Variants in TNFRSF21 observed in about 807,000 individuals in gnomAD.
TNFRSF21 encodes the protein tumor necrosis factor receptor superfamily member 21.
TNFRSF21 carries 19 observed loss-of-function variants against 45.6 expected under a neutral mutation model. The ratio of observed to expected loss-of-function variants is 0.42; its 90% CI spans 0.29 to 0.61. The LOEUF (loss-of-function observed/expected upper bound fraction) is 0.61. TNFRSF21 is among the 20% of genes least tolerant of loss of function. The pLI, the probability that TNFRSF21 is intolerant of heterozygous loss-of-function variation, is 0.23. For synonymous variants in TNFRSF21, 314 were observed against 335.5 expected (o/e 0.94, Z 0.70); for missense variants, 737 against 851.5 (o/e 0.87, Z 1.67).
At chr6:47,234,970 G>T (rs1764646085) in intron 4 of TNFRSF21, 72 bp from the exon 5 acceptor site, 4 of 923,624 alleles carry the variant, frequency 4.3e-6, no homozygotes, top group Non-Finnish European at 4.4e-6. Context: ...CTCCTCAGAG[G>T]CTATTTTTTT....
At chr6:47,256,537 GC>G (rs946852411) in intron 3 of TNFRSF21, among the ~76,000 whole-genome samples, 9 of 152,196 alleles carry the variant, frequency 5.9e-5, no homozygotes, top group African/African-American at 2.2e-4. Context: ...AAAGTAGAAT[GC>G]CACAAAAAAT....
intron 1 of TNFRSF21, among the ~76,000 whole-genome samples, chr6:47,300,161 T>G (rs2113870175): frequency 6.6e-6 from 1 of 152,328 alleles, no homozygotes; most frequent in Non-Finnish European, 1.5e-5. Flanking sequence ...AGGCTTGAAC[T>G]GACGTGAATC....
At chr6:47,241,230 T>G (rs1764738999) in intron 4 of TNFRSF21, among the ~76,000 whole-genome samples, 1 of 152,202 alleles carries the variant, frequency 6.6e-6, no homozygotes, top group African/African-American at 2.4e-5. Flanking sequence ...AAATAAGGGT[T>G]CATATAATGA....
rs372256622 is a variant in TNFRSF21, at chr6:47,291,404, A to T, written c.97-4809T>A. Among the ~76,000 whole-genome samples, 22 of 151,714 alleles carry T rather than the reference A, an allele frequency of 1.5e-4. 2 individuals carry two copies. The highest frequency in any genetic ancestry group is 1.3e-3 in the Admixed American group (20 of 15,282). On this transcript the variant is annotated intron_variant, in intron 1 of 5. Coordinates refer to ENST00000296861, the MANE Select transcript of TNFRSF21 (RefSeq NM_014452.5). ...AAAGGGGTATGCGGGAGAGTAGACA[A>T]GAAAACCCAGTTAGAGGGTGAAAAA...
chr6:47,271,007 T>A (rs746745032), intron 3 of TNFRSF21, among the ~76,000 whole-genome samples: 30 of 152,100 alleles, frequency 2.0e-4, no homozygotes, highest in South Asian at 8.3e-4. Context: ...CCAAGAAATA[T>A]GGGACTATGT....
chr6:47,247,995 C>T (rs1764847837), intron 4 of TNFRSF21, among the ~76,000 whole-genome samples: 1 of 152,184 alleles, frequency 6.6e-6, no homozygotes, highest in African/African-American at 2.4e-5. Context: ...AGCATTGATT[C>T]TCCACTCCGC....
chr6:47,309,108 G>A (rs902738084), intron 1 of TNFRSF21, among the ~76,000 whole-genome samples: 22 of 152,314 alleles, frequency 1.4e-4, no homozygotes, highest in African/African-American at 4.3e-4. Flanking sequence ...AGGCCGAGTA[G>A]GGGGAAAAGC....
At chr6:47,283,498 G>A (rs1271274021) in intron 3 of TNFRSF21, among the ~76,000 whole-genome samples, 2 of 152,182 alleles carry the variant, frequency 1.3e-5, no homozygotes, top group Non-Finnish European at 2.9e-5. Context: ...GTTGGGTTTT[G>A]TCCCCTTCAT....
chr6:47,283,770 T>G (rs1047406432), intron 3 of TNFRSF21, among the ~76,000 whole-genome samples, 168 bp downstream of exon 3: 1 of 152,232 alleles, frequency 6.6e-6, no homozygotes, highest in African/African-American at 2.4e-5. Flanking sequence ...AATGCATTAC[T>G]TCTAATGAGA....
chr6:47,263,743 A>G (rs553176343), intron 3 of TNFRSF21, among the ~76,000 whole-genome samples: 1 of 152,368 alleles, frequency 6.6e-6, no homozygotes, highest in African/African-American at 2.4e-5. Context: ...AAAGATCACC[A>G]TATTTACTAA....
At chr6:47,264,964 G>C (rs1762312357) in intron 3 of TNFRSF21, among the ~76,000 whole-genome samples, 1 of 152,170 alleles carries the variant, frequency 6.6e-6, no homozygotes, top group South Asian at 2.1e-4. Flanking sequence ...CTTCCCATAG[G>C]AAATCTGGGC....
At chr6:47,250,317 T>C (rs1051638078) in intron 4 of TNFRSF21, among the ~76,000 whole-genome samples, 1 of 152,240 alleles carries the variant, frequency 6.6e-6, no homozygotes, top group African/African-American at 2.4e-5. Flanking sequence ...TGCTGCTTAT[T>C]CCAAATGCTC....
chr6:47,249,087 C>T (rs902366816), intron 4 of TNFRSF21, among the ~76,000 whole-genome samples: 1 of 152,156 alleles, frequency 6.6e-6, no homozygotes, highest in Admixed American at 6.5e-5. Context: ...ATGTTCTAAT[C>T]GGAGCCTTAC....
At chr6:47,283,840 A>T (rs1186541631) in intron 3 of TNFRSF21, 98 bp downstream of exon 3, 7 of 1,482,634 alleles carry the variant, frequency 4.7e-6, no homozygotes, top group Non-Finnish European at 6.4e-6. Flanking sequence ...TACAAAGGAG[A>T]TTCCACAAAC....
chr6:47,294,927 A>G (rs1388927623), intron 1 of TNFRSF21, among the ~76,000 whole-genome samples: 1 of 152,250 alleles, frequency 6.6e-6, no homozygotes, highest in Non-Finnish European at 1.5e-5. Context: ...TCTATGCACC[A>G]TCCTAGTTTA....
intron 3 of TNFRSF21, among the ~76,000 whole-genome samples, chr6:47,275,726 T>G (rs946381640): frequency 6.6e-6 from 1 of 152,278 alleles, no homozygotes; most frequent in Admixed American, 6.5e-5. Context: ...TCTCTTGGTT[T>G]TCCCCCAACC....
intron 1 of TNFRSF21, among the ~76,000 whole-genome samples, chr6:47,306,191 A>G (rs1171513297): frequency 6.6e-6 from 1 of 152,212 alleles, no homozygotes; most frequent in Non-Finnish European, 1.5e-5. Context: ...TTTACTTTCT[A>G]TTATCATGCA....
At chr6:47,246,982 G>A (rs921968040) in intron 4 of TNFRSF21, among the ~76,000 whole-genome samples, 3 of 152,074 alleles carry the variant, frequency 2.0e-5, no homozygotes, top group Non-Finnish European at 2.9e-5. Flanking sequence ...ATTTGCACAC[G>A]TGTCTCCATC....
intron 1 of TNFRSF21, among the ~76,000 whole-genome samples, chr6:47,291,696 A>C (rs978016196): frequency 5.3e-5 from 8 of 152,218 alleles, no homozygotes; most frequent in African/African-American, 1.9e-4. Context: ...CCACTTTACC[A>C]ATTTGCTAAT....
Sources: gnomAD v4.1 joint callset for allele counts (sites outside exome capture counted in the v4.1 genomes callset) on GRCh38, gnomAD v4.1.1 for gene constraint, MANE v1.5 for transcripts, NCBI Gene and HGNC (gene_info 2026-07-23, HGNC 2026-07-21) for gene names.